Variants in NEK10 observed in about 807,000 individuals in gnomAD.
The protein encoded by NEK10 is NIMA related kinase 10, also known as serine/threonine-protein kinase Nek10.
In NEK10, 122 loss-of-function variants were observed where a neutral mutation model predicts 159.8. The ratio of observed to expected loss-of-function variants is 0.76; its 90% CI spans 0.66 to 0.89. NEK10 has a LOEUF of 0.89. Among genes scored for constraint, NEK10 ranks in the 40% least tolerant of loss-of-function variants. NEK10 has a pLI of 0.00. For synonymous variants in NEK10, 466 were observed against 457.1 expected (o/e 1.02, Z -0.25); for missense variants, 1,342 against 1,323.1 (o/e 1.01, Z -0.22).
intron 26 of NEK10, among the ~76,000 whole-genome samples, chr3:27,177,906 A>C (rs2148899738): frequency 6.6e-6 from 1 of 152,338 alleles, no homozygotes; most frequent in African/African-American, 2.4e-5. Flanking sequence ...TTTTGGAGAC[A>C]GAATTTGGCT....
rs1360049689 is a variant in NEK10 at position 27,327,696 on chromosome 3, A to T, written c.363-5435T>A. On this transcript the variant is annotated intron_variant, in intron 5 of 35. Coordinates refer to ENST00000691995, the MANE Select transcript of NEK10 (RefSeq NM_001394966.1). ...GAACCCAGGAACTGATGCAAATGGC[A>T]GAAGTGACAATGTTGACTGTATTTG... Among the ~76,000 whole-genome samples, 4 of 152,340 alleles carry T rather than the reference A, an allele frequency of 2.6e-5. No homozygotes were observed. The East Asian group carries it at 7.7e-4, about 29-fold the overall frequency.
intron 23 of NEK10, among the ~76,000 whole-genome samples, chr3:27,227,616 G>T (rs1952772058): frequency 6.6e-6 from 1 of 152,116 alleles, no homozygotes; most frequent in African/African-American, 2.4e-5. Flanking sequence ...GGCTGAAGGG[G>T]TACAGGATAA....
chr3:27,221,817 C>A (rs760090703), intron 23 of NEK10, among the ~76,000 whole-genome samples: 1 of 152,208 alleles, frequency 6.6e-6, no homozygotes, highest in African/African-American at 2.4e-5. Flanking sequence ...CTAGCTCAGG[C>A]ACTTCCATTC....
chr3:27,310,540 T>A (rs1025831111), intron 9 of NEK10: 1 of 154,078 alleles, frequency 6.5e-6, no homozygotes, highest in African/African-American at 2.4e-5. Context: ...ACAATGGCAA[T>A]CATATATGGT....
chr3:27,357,322 A>T (rs1357785282), intron 1 of NEK10, among the ~76,000 whole-genome samples: 1 of 152,232 alleles, frequency 6.6e-6, no homozygotes, highest in Non-Finnish European at 1.5e-5. Context: ...ATTTTAAAAA[A>T]AACCTGTGTT....
At chr3:27,286,771 A>T (rs1433234116) in intron 20 of NEK10, among the ~76,000 whole-genome samples, 1 of 152,108 alleles carries the variant, frequency 6.6e-6, no homozygotes, top group African/African-American at 2.4e-5. Context: ...ATATCATTTC[A>T]GTACAAGTCT....
At chr3:27,157,248 G>A (rs1945565892) in intron 30 of NEK10, among the ~76,000 whole-genome samples, 1 of 151,638 alleles carries the variant, frequency 6.6e-6, no homozygotes, top group African/African-American at 2.4e-5. Flanking sequence ...CTCAGGTAAT[G>A]GGTGCACCAA....
chr3:27,328,379 C>T (rs927828373), intron 5 of NEK10, among the ~76,000 whole-genome samples: 1 of 152,106 alleles, frequency 6.6e-6, no homozygotes, highest in Non-Finnish European at 1.5e-5. Context: ...ACTGGGCATG[C>T]TATTTTAGGA....
chr3:27,236,833 A>G (rs1472637067), intron 23 of NEK10, among the ~76,000 whole-genome samples: 1 of 152,154 alleles, frequency 6.6e-6, no homozygotes, highest in Non-Finnish European at 1.5e-5. Flanking sequence ...TGTCTTGATA[A>G]ACATCTTAAA....
rs187983583 is a variant in NEK10, at chr3:27,131,615, A to G, written c.3081+265T>C. Reference sequence around the variant, plus strand: ...ATAATTCTCTAGAAGAGGCTAAAATATACACATTTCAAATTAAATATTACT... The same window carrying G: ...ATAATTCTCTAGAAGAGGCTAAAATGTACACATTTCAAATTAAATATTACT... On this transcript the variant is annotated intron_variant, in intron 32 of 35. Coordinates refer to ENST00000691995, the MANE Select transcript of NEK10 (RefSeq NM_001394966.1). Among the ~76,000 whole-genome samples the G allele has an allele frequency of 4.0e-3, 607 of 152,324 alleles. 5 individuals carry two copies. Among genetic ancestry groups the G allele is most frequent in the African/African-American group, 0.014 (583 of 41,582 alleles).
chr3:27,356,755 A>G (rs1490034455), intron 1 of NEK10, among the ~76,000 whole-genome samples: 2 of 152,086 alleles, frequency 1.3e-5, no homozygotes, highest in East Asian at 3.9e-4. Context: ...ATTCACCCCC[A>G]CACACTCATA....
intron 22 of NEK10, among the ~76,000 whole-genome samples, chr3:27,259,012 G>A (rs2040149345): frequency 6.6e-6 from 1 of 151,960 alleles, no homozygotes; most frequent in Non-Finnish European, 1.5e-5. Context: ...CTTCATAAAT[G>A]TCTTCTTTTG....
In NEK10 at chr3:27,291,645, C is replaced by T. The variant is rs957631997; in HGVS notation, c.1374-59G>A. ...CTTGGACACAGTTGATCATTACTTCCCTTTTTTATTTTTTTGAGACAGAGT... is the reference window on the plus strand; with the variant it reads ...CTTGGACACAGTTGATCATTACTTCTCTTTTTTATTTTTTTGAGACAGAGT... On this transcript the variant is annotated intron_variant, in intron 16 of 35. Coordinates refer to ENST00000691995, the MANE Select transcript of NEK10 (RefSeq NM_001394966.1). 3 of 992,302 alleles carry T rather than the reference C, an allele frequency of 3.0e-6. No individual in the cohort carries two copies. The African/African-American group carries it at 4.8e-5, about 16-fold the overall frequency. 61.5% of individuals were successfully genotyped at this position (992,302 alleles called of 1,614,324 possible).
At chr3:27,296,691 TACAC>T (rs926897316) in intron 14 of NEK10, among the ~76,000 whole-genome samples, 8 of 152,216 alleles carry the variant, frequency 5.3e-5, no homozygotes, top group Non-Finnish European at 1.5e-5. Context: ...TATATATACA[TACAC>T]ACACAAACAT....
chr3:27,171,861 C>G lies in NEK10; in HGVS notation c.2789G>C (p.Arg930Thr), dbSNP rs370491497. 5 of 1,613,358 alleles carry G rather than the reference C, an allele frequency of 3.1e-6. No homozygotes were observed. The highest frequency in any genetic ancestry group is 1.3e-5 in the African/African-American group (1 of 74,878). ...LKESTFNILKRSFSASGGERQ... is the reference protein window; with the variant it reads ...LKESTFNILKTSFSASGGERQ... ...TTCTCCTCCTGAAGCACTAAAACTT[C>G]TCTTTAAAATGTCTGAGACGAGAAA... Residue 930 changes from arginine (R) to threonine (T), a missense_variant, in exon 29 of 36, where the codon AGA (arginine) becomes ACA (threonine). Coordinates refer to ENST00000691995, the MANE Select transcript of NEK10 (RefSeq NM_001394966.1).
At chr3:27,181,255 CAATT>C (rs1428447058) in intron 26 of NEK10, among the ~76,000 whole-genome samples, 2 of 104,534 alleles carry the variant, frequency 1.9e-5, no homozygotes, top group Non-Finnish European at 4.5e-5. Flanking sequence ...ATAACATAAA[CAATT>C]AATACATACT....
intron 29 of NEK10, among the ~76,000 whole-genome samples, chr3:27,164,255 G>T (rs575262465): frequency 6.6e-6 from 1 of 152,314 alleles, no homozygotes; most frequent in African/African-American, 2.4e-5. Context: ...GTGCCCATGT[G>T]TAGGCAGGAC....
intron 6 of NEK10, among the ~76,000 whole-genome samples, chr3:27,319,444 C>T (rs573984176): frequency 6.6e-6 from 1 of 152,204 alleles, no homozygotes; most frequent in African/African-American, 2.4e-5. Context: ...ACCTCTGAGT[C>T]GAAGAATGAG....
rs117910852 is a variant in NEK10, at chr3:27,282,356, A to G, written c.2014+2246T>C. Among the ~76,000 whole-genome samples, 894 of 152,006 alleles carry G rather than the reference A, an allele frequency of 5.9e-3. 11 individuals carry two copies. Among genetic ancestry groups the G allele is most frequent in the East Asian group, 0.029 (149 of 5,176 alleles). On this transcript the variant is annotated intron_variant, in intron 22 of 35. Transcript: ENST00000691995. ...TAAATATAAGTTTAGAAAAAAATAAACCAGGCTACTGCAATAAAAGATTAA... is the reference window on the plus strand; with the variant it reads ...TAAATATAAGTTTAGAAAAAAATAAGCCAGGCTACTGCAATAAAAGATTAA...
Sources: gnomAD v4.1 joint callset for allele counts (sites outside exome capture counted in the v4.1 genomes callset) on GRCh38, gnomAD v4.1.1 for gene constraint, MANE v1.5 for transcripts, NCBI Gene and HGNC (gene_info 2026-07-23, HGNC 2026-07-21) for gene names.